RIMS2: variants seen among roughly 807,000 people sequenced by gnomAD.
The protein encoded by RIMS2 is regulating synaptic membrane exocytosis protein 2.
A neutral mutation model predicts 174.4 loss-of-function variants in RIMS2; 59 were observed. The observed-to-expected ratio is 0.34, with a 90% CI of 0.27 to 0.42. The LOEUF (loss-of-function observed/expected upper bound fraction) is 0.42, where lower values mean the gene tolerates loss of function less well. Ranked by LOEUF, RIMS2 falls within the 10% of genes least tolerant of loss-of-function variation. The pLI is 1.00. For synonymous variants in RIMS2, 606 were observed against 572.5 expected, an observed-to-expected ratio of 1.06 and a Z score of -0.84; for missense variants, 1,620 against 1,666.3, an observed-to-expected ratio of 0.97 and a Z score of 0.48.
intron 17 of RIMS2, among the ~76,000 whole-genome samples, chr8:104,002,874 G>C (rs1356070917): frequency 6.6e-6 from 1 of 152,050 alleles, no homozygotes; most frequent in Non-Finnish European, 1.5e-5. Context: ...TACTTCAAGA[G>C]ACAATATTAA....
In RIMS2 at chr8:103,882,156, A is replaced by G. The variant is rs1306048739; in HGVS notation, c.699-3142A>G. Among the ~76,000 whole-genome samples the G allele has an allele frequency of 2.0e-5, 3 of 151,474 alleles. No homozygotes were observed. In the East Asian group the frequency reaches 5.8e-4, roughly 29 times the overall value. ...GAGAAATATACAAATTATCAATGATATTGCTTTATCTATTAAATATTTTCC... is the reference window on the plus strand; with the variant it reads ...GAGAAATATACAAATTATCAATGATGTTGCTTTATCTATTAAATATTTTCC... On this transcript the variant is annotated intron_variant, in intron 3 of 23. Coordinates refer to ENST00000504942, the Ensembl canonical transcript of RIMS2.
At chr8:104,051,220 T>A (rs2096779813) in intron 19 of RIMS2, among the ~76,000 whole-genome samples, 1 of 151,922 alleles carries the variant, frequency 6.6e-6, no homozygotes, top group Non-Finnish European at 1.5e-5. Context: ...GCCTGGATAA[T>A]GCAGCAAGAC....
At chr8:103,618,158 T>C (rs1005043782) in intron 1 of RIMS2, among the ~76,000 whole-genome samples, 2 of 152,066 alleles carry the variant, frequency 1.3e-5, no homozygotes, top group South Asian at 4.1e-4. Context: ...TATGTAGCCA[T>C]GAAAAATGAA....
At chr8:103,952,042 T>A (rs2085532741) in intron 14 of RIMS2, among the ~76,000 whole-genome samples, 2 of 152,188 alleles carry the variant, frequency 1.3e-5, no homozygotes, top group South Asian at 4.1e-4. Flanking sequence ...GTGGCCAGAC[T>A]GCCTCCGCAG....
intron 15 of RIMS2, among the ~76,000 whole-genome samples, chr8:103,967,369 T>G (rs930851427): frequency 2.0e-5 from 3 of 151,766 alleles, no homozygotes; most frequent in Non-Finnish European, 2.9e-5. Context: ...TTGTTTTGTA[T>G]TTTTAGTAGA....
intron 19 of RIMS2, among the ~76,000 whole-genome samples, chr8:104,026,061 G>A (rs2096250469): frequency 6.6e-6 from 1 of 152,106 alleles, no homozygotes; most frequent in South Asian, 2.1e-4. Context: ...CCCTGTCGTT[G>A]AGCAATGTAT....
At position 103,964,804 on chromosome 8, in the gene RIMS2, A is replaced by G. The variant is rs558651734; in HGVS notation, c.2770+3671A>G. Among the ~76,000 whole-genome samples the G allele has an allele frequency of 3.7e-4, 56 of 152,210 alleles. No homozygotes were observed. In the South Asian group the frequency reaches 0.012, roughly 32 times the overall value. ...TAGGAGTTTTATTATTTTGCATTTT[A>G]TATTTACATATCTGATGCATTTTTG... On this transcript the variant is annotated intron_variant, in intron 15 of 23. Coordinates refer to ENST00000504942, the Ensembl canonical transcript of RIMS2.
At chr8:103,732,063 C>T (rs554048540) in intron 2 of RIMS2, among the ~76,000 whole-genome samples, 1 of 152,216 alleles carries the variant, frequency 6.6e-6, no homozygotes, top group Non-Finnish European at 1.5e-5. Context: ...GTTGTTTGTA[C>T]TTGCACTTTC....
chr8:103,814,212 A>G (rs1265724528), intron 3 of RIMS2, among the ~76,000 whole-genome samples: 1 of 152,178 alleles, frequency 6.6e-6, no homozygotes, highest in Non-Finnish European at 1.5e-5. Context: ...ACACGTGGAC[A>G]CATAGAGGGG....
At chr8:103,807,782 CCTTT>C (rs2098659746) in intron 3 of RIMS2, among the ~76,000 whole-genome samples, 1 of 151,740 alleles carries the variant, frequency 6.6e-6, no homozygotes, top group African/African-American at 2.4e-5. Context: ...ATTATATTTT[CCTTT>C]CTTTTCTATT....
chr8:104,024,212 C>T (rs1449632788), intron 19 of RIMS2, among the ~76,000 whole-genome samples: 1 of 152,202 alleles, frequency 6.6e-6, no homozygotes, highest in Non-Finnish European at 1.5e-5. Context: ...TGATCCAGGT[C>T]TGCCACTTGG....
chr8:103,733,297 C>T (rs1294953749), intron 2 of RIMS2, among the ~76,000 whole-genome samples: 1 of 152,040 alleles, frequency 6.6e-6, no homozygotes, highest in African/African-American at 2.4e-5. Flanking sequence ...AACTGGTATC[C>T]ATGTTGCAAG....
intron 1 of RIMS2, among the ~76,000 whole-genome samples, chr8:103,524,451 A>T (rs971780259): frequency 1.3e-5 from 2 of 152,210 alleles, no homozygotes; most frequent in African/African-American, 2.4e-5. Flanking sequence ...AATTTAATAC[A>T]TACGGAATCA....
At chr8:103,691,664 T>G (rs773325259) in intron 1 of RIMS2, among the ~76,000 whole-genome samples, 14 of 152,230 alleles carry the variant, frequency 9.2e-5, no homozygotes, top group Non-Finnish European at 1.8e-4. Context: ...CATATATTTC[T>G]GTCTCTCTGG....
intron 3 of RIMS2, among the ~76,000 whole-genome samples, chr8:103,862,733 G>A (rs1033243882): frequency 1.3e-5 from 2 of 151,972 alleles, no homozygotes; most frequent in Non-Finnish European, 2.9e-5. Context: ...TGTGGCTATT[G>A]TAAATGGGAT....
At chr8:104,089,480 G>A (rs533486655) in intron 19 of RIMS2, among the ~76,000 whole-genome samples, 50 of 151,820 alleles carry the variant, frequency 3.3e-4, no homozygotes, top group African/African-American at 1.1e-3. Flanking sequence ...ATGTGAATAT[G>A]TTATATTCTA....
intron 4 of RIMS2, among the ~76,000 whole-genome samples, chr8:103,890,502 T>C (rs1364363573): frequency 6.6e-6 from 1 of 152,020 alleles, no homozygotes; most frequent in Non-Finnish European, 1.5e-5. Context: ...ACAGGTACCG[T>C]AGGACTTCAG....
At chr8:103,950,837 T>A (rs1215848925) in intron 14 of RIMS2, among the ~76,000 whole-genome samples, 1 of 152,220 alleles carries the variant, frequency 6.6e-6, no homozygotes, top group Non-Finnish European at 1.5e-5. Context: ...AAAGGGTGCT[T>A]ATTTGCATAC....
At chr8:103,724,197 A>G (rs2097497265) in intron 2 of RIMS2, among the ~76,000 whole-genome samples, 1 of 151,990 alleles carries the variant, frequency 6.6e-6, no homozygotes, top group African/African-American at 2.4e-5. Context: ...AGGTGCTATA[A>G]TCTCTTACCT....
Sources: gnomAD v4.1 joint callset for allele counts (sites outside exome capture counted in the v4.1 genomes callset) on GRCh38, gnomAD v4.1.1 for gene constraint, MANE v1.5 for transcripts, NCBI Gene and HGNC (gene_info 2026-07-23, HGNC 2026-07-21) for gene names.